The following PRKD2 variants were observed in gnomAD, a reference collection of about 807,000 sequenced individuals.
PRKD2 encodes the protein serine/threonine-protein kinase D2.
Under a neutral mutation model 86.0 loss-of-function variants are expected in PRKD2, and 22 were observed. The observed-to-expected ratio is 0.26, with a 90% CI of 0.18 to 0.37. The LOEUF is 0.37. Among genes scored for constraint, PRKD2 ranks in the 10% least tolerant of loss-of-function variants. The pLI is 1.00. For missense variants in PRKD2, 818 were observed against 1,199.2 expected (o/e 0.68, Z 4.70); for synonymous variants, 509 against 510.9 (o/e 1.00, Z 0.05).
Position 46,693,469 on chromosome 19 carries a change from CAG to C in PRKD2, c.1576+404_1576+405del, listed in dbSNP as rs959174541. Among the ~76,000 whole-genome samples, 1 of 152,106 alleles carries C rather than the reference CAG, an allele frequency of 6.6e-6. No homozygotes were observed. The highest frequency in any genetic ancestry group is 2.4e-5 in the African/African-American group (1 of 41,404). On this transcript the variant is annotated intron_variant, in intron 10 of 17. Transcript: ENST00000291281. This position sits in a 1 kb window ranked among gnomAD's most constrained non-coding sequence, Gnocchi z 4.5. ...GTTGTTGTTTTTTCTGTTTTGGAGACAGAGTCTTGCTCTGTCACCCAGACTGG... is the reference window on the plus strand; with the variant it reads ...GTTGTTGTTTTTTCTGTTTTGGAGACAGTCTTGCTCTGTCACCCAGACTGG...
intron 14 of PRKD2, 128 bp downstream of exon 14, chr19:46,689,409 G>T: frequency 8.6e-7 from 1 of 1,164,376 alleles, no homozygotes; most frequent in Non-Finnish European, 1.2e-6. Context: ...CGCCCAGCCT[G>T]ATGATGGTTT....
At chr19:46,692,493 C>T (rs2053498054) in intron 10 of PRKD2, among the ~76,000 whole-genome samples, 1 of 151,780 alleles carries the variant, frequency 6.6e-6, no homozygotes. Context: ...ACTCTGGGTC[C>T]TCACCCCACA....
chr19:46,680,945 TA>T (rs60687819), intron 15 of PRKD2, among the ~76,000 whole-genome samples: 4,527 of 54,674 alleles, frequency 0.083, 176 homozygotes, highest in East Asian at 0.14. Flanking sequence ...TATATATATA[TA>T]TTTTTTTTTT....
Position 46,704,549 on chromosome 19 carries a change from G to T in PRKD2, c.612C>A (p.Gly204=). Residue 204 remains glycine, a synonymous_variant, in exon 4 of 18, where the codon GGC becomes GGA. Coordinates refer to ENST00000291281, the MANE Select transcript of PRKD2 (RefSeq NM_016457.5). ...CGGAGGTGCCGAGGCGCACCGAGTG[G>T]CCACTGGCCAGAGACGTGGATGACA... ...RRLSSTSLAS[G]HSVRLGTSES... 2 of 1,614,134 alleles carry T rather than the reference G, an allele frequency of 1.2e-6. No individual in the cohort carries two copies. Among genetic ancestry groups the T allele is most frequent in the Non-Finnish European group, 1.7e-6 (2 of 1,180,006 alleles).
chr19:46,695,438 G>A (rs1011906045), intron 9 of PRKD2, among the ~76,000 whole-genome samples: 2 of 152,158 alleles, frequency 1.3e-5, no homozygotes, highest in Non-Finnish European at 2.9e-5. Flanking sequence ...AGCCAAGATC[G>A]CGCCACTGCA....
At chr19:46,708,049 G>C (rs556763903) in intron 3 of PRKD2, among the ~76,000 whole-genome samples, 36 of 152,178 alleles carry the variant, frequency 2.4e-4, no homozygotes, top group African/African-American at 8.4e-4. Flanking sequence ...GGTGAGCTGA[G>C]ATCGCGCCAC....
chr19:46,679,536 C>T (rs1316973914), intron 15 of PRKD2, among the ~76,000 whole-genome samples: 1 of 152,198 alleles, frequency 6.6e-6, no homozygotes, highest in East Asian at 1.9e-4. Flanking sequence ...TTGATAGCAG[C>T]CTCCTCTCAG....
In PRKD2 at chr19:46,713,879, C is replaced by T; in HGVS notation, c.363G>A (p.Val121=). The T allele has an allele frequency of 6.2e-7, 1 of 1,609,640 alleles. No homozygotes were observed. Among genetic ancestry groups the T allele is most frequent in the Non-Finnish European group, 8.5e-7 (1 of 1,178,432 alleles). ...ACCTCTCACCCGACAGCACCACCTC[C>T]ACCAGGTCGCCCTCCTGGATGTCTC... ...SSGDIQEGDL[V]EVVLSASATF... is the part of the protein sequence containing the mutation. Residue 121 remains valine (V), a synonymous_variant, in exon 2 of 18, where the codon GTG becomes GTA. Transcript: ENST00000291281.
intron 7 of PRKD2, among the ~76,000 whole-genome samples, chr19:46,698,828 T>TGG (rs1333318162): frequency 1.3e-5 from 2 of 152,194 alleles, no homozygotes; most frequent in African/African-American, 4.8e-5. Context: ...GATCAGAACC[T>TGG]GGGTGGCCTT....
chr19:46,701,532 T>A (rs1264996950), intron 5 of PRKD2, among the ~76,000 whole-genome samples: 1 of 151,770 alleles, frequency 6.6e-6, no homozygotes, highest in African/African-American at 2.4e-5. Context: ...TTTGTGTTTT[T>A]AGTAGAGACG....
In PRKD2 at chr19:46,700,920, C is replaced by T. The variant is rs745991981; in HGVS notation, c.1000G>A (p.Glu334Lys). The change falls in exon 7 of 18, where the codon GAG becomes AAG. Residue 334 changes from glutamate to lysine, a missense_variant. By Grantham distance (56) the Glu-to-Lys change is moderately conservative. Around this residue, in one of 5 missense-constraint regions of PRKD2, gnomAD observed 403 missense variants for 518.6 expected, o/e 0.78. Transcript: ENST00000291281. Reference sequence around the variant, plus strand: ...TCCATGAGGGCGCTCTTGTCAGCCTCGCTGAAATCGGTGGCCTCCTCCATC... The same window carrying T: ...TCCATGAGGGCGCTCTTGTCAGCCTTGCTGAAATCGGTGGCCTCCTCCATC... The part of the protein sequence containing the change: ...VPMEEATDFS[E>K]ADKSALMDES... 1.2e-6 allele frequency: 2 copies of T among 1,614,224 alleles called. No individual in the cohort carries two copies. Among genetic ancestry groups the T allele is most frequent in the South Asian group, 2.2e-5 (2 of 91,088 alleles).
At chr19:46,706,065 A>G (rs2053710465) in intron 3 of PRKD2, among the ~76,000 whole-genome samples, 1 of 151,922 alleles carries the variant, frequency 6.6e-6, no homozygotes, top group African/African-American at 2.4e-5. Context: ...GGGTCTCGCT[A>G]CATTGCCCAG....
rs757066452 is a variant in PRKD2 at position 46,674,743 on chromosome 19, C to G, written c.2425-8G>C. The G allele has an allele frequency of 6.2e-7, 1 of 1,602,176 alleles. No homozygotes were observed. The highest frequency in any genetic ancestry group is 1.7e-5 in the Admixed American group (1 of 59,858). ...CAGCCACGTCTGGTACTCCTGGGCC[C>G]GAGAGAACTGGGGTTAGCTTGGGGT... On this transcript the variant is annotated splice_region_variant and splice_polypyrimidine_tract_variant and intron_variant, in intron 17 of 17. Coordinates refer to ENST00000291281, the MANE Select transcript of PRKD2 (RefSeq NM_016457.5).
rs766836075 is a variant in PRKD2 at position 46,694,127 on chromosome 19, G to C, written c.1324C>G (p.Pro442Ala). 1 of 1,613,560 alleles carries C rather than the reference G, an allele frequency of 6.2e-7. No homozygotes were observed. The change falls in exon 10 of 18, where the codon CCG becomes GCG. Residue 442 changes from proline to alanine, a missense_variant. Pro to Ala is a conservative substitution (Grantham distance 27, BLOSUM62 -1). This residue lies in a region of PRKD2 where 127 missense variants were observed against 157.8 expected (regional missense o/e 0.80). Coordinates refer to ENST00000291281, the MANE Select transcript of PRKD2 (RefSeq NM_016457.5). The part of the protein sequence containing the change: ...NTTNRYYKEI[P>A]LSEILTVESA... ...TCCACCGTGAGGATTTCTGACAGCG[G>C]AATTTCCTGCAGGACGTGGAACCAG...
At chr19:46,713,290 C>G (rs1056258550) in intron 2 of PRKD2, among the ~76,000 whole-genome samples, 1 of 149,828 alleles carries the variant, frequency 6.7e-6, no homozygotes, top group Non-Finnish European at 1.5e-5. Flanking sequence ...GCCTCCCAAA[C>G]TGCTGGGATT....
chr19:46,692,383 C>T (rs1173411628), intron 10 of PRKD2, among the ~76,000 whole-genome samples: 1 of 151,924 alleles, frequency 6.6e-6, no homozygotes, highest in East Asian at 1.9e-4. Context: ...GAACTTTTCC[C>T]CCTACAAACC....
At chr19:46,689,405 G>A in intron 14 of PRKD2, 132 bp downstream of exon 14, 2 of 1,142,412 alleles carry the variant, frequency 1.8e-6, no homozygotes, top group Admixed American at 2.5e-5. Flanking sequence ...ACTGCGCCCA[G>A]CCTGATGATG....
In PRKD2 at chr19:46,700,883, T is replaced by G; in HGVS notation, c.1037A>C (p.Asp346Ala). 1 of 1,614,122 alleles carries G rather than the reference T, an allele frequency of 6.2e-7. No homozygotes were observed. The highest frequency in any genetic ancestry group is 1.1e-5 in the South Asian group (1 of 91,078). ...GTGGGAGCCAGGGATGACACCGGAG[T>G]CCTCTGACTCATCCATGAGGGCGCT... ...DKSALMDESE[D>A]SGVIPGSHSE... Residue 346 changes from aspartate (D) to alanine (A), a missense_variant, in exon 7 of 18, where the codon GAC (aspartate) becomes GCC (alanine). This residue lies in a region of PRKD2 where 403 missense variants were observed against 518.6 expected (regional missense o/e 0.78). Transcript: ENST00000291281.
chr19:46,705,857 A>T (rs2053707675), intron 3 of PRKD2, among the ~76,000 whole-genome samples: 1 of 151,530 alleles, frequency 6.6e-6, no homozygotes, highest in Non-Finnish European at 1.5e-5. Flanking sequence ...ATGACTTCTT[A>T]TTGTCTTATT....
Sources: allele counts gnomAD v4.1 joint callset (sites outside exome capture counted in the v4.1 genomes callset), GRCh38; gene constraint gnomAD v4.1.1; regional missense constraint gnomAD v4.1.1; non-coding constraint Gnocchi (gnomAD v3.1); transcripts MANE v1.5; gene names NCBI Gene and HGNC (gene_info 2026-07-23, HGNC 2026-07-21).